The following SNTG2 variants were observed in gnomAD, a reference collection of about 807,000 sequenced individuals.
SNTG2 encodes syntrophin gamma 2.
SNTG2 carries 74 observed loss-of-function variants against 70.9 expected under a neutral mutation model. The ratio of observed to expected loss-of-function variants is 1.04; its 90% CI spans 0.86 to 1.27. SNTG2 has a LOEUF of 1.27. SNTG2 is among the 50% of genes most tolerant of loss of function. SNTG2 has a pLI of 0.00. For missense variants in SNTG2, 717 were observed against 690.7 expected (o/e 1.04, Z -0.43); for synonymous variants, 278 against 273.8 (o/e 1.02, Z -0.15).
At chr2:1,357,738 T>C (rs896046841) in intron 16 of SNTG2, among the ~76,000 whole-genome samples, 12 of 152,066 alleles carry the variant, frequency 7.9e-5, no homozygotes, top group African/African-American at 2.4e-4. Flanking sequence ...CATGATTGAC[T>C]GGTAGGTTGT....
intron 14 of SNTG2, among the ~76,000 whole-genome samples, chr2:1,284,971 A>G (rs1679708948): frequency 6.6e-6 from 1 of 151,188 alleles, no homozygotes; most frequent in South Asian, 2.1e-4. Context: ...ATAACTATAT[A>G]AATATATATA....
At position 1,237,971 on chromosome 2, in the gene SNTG2, G is replaced by T; in HGVS notation, c.803G>T (p.Trp268Leu). ...TACACAGCCCAGGATGGCACCGACT[G>T]GCTGCGGGCGGTCTCAGCCAACATC... is the stretch of plus-strand genomic sequence containing the variant. ...RFYTAQDGTDWLRAVSANIRE... is the reference protein window; with the variant it reads ...RFYTAQDGTDLLRAVSANIRE... Residue 268 changes from tryptophan to leucine, a missense_variant, in exon 10 of 17, where the codon TGG (tryptophan) becomes TTG (leucine). By Grantham distance (61) the Trp-to-Leu change is moderately conservative. Transcript: ENST00000308624. 1 of 1,610,088 alleles carries T rather than the reference G, an allele frequency of 6.2e-7. No individual in the cohort carries two copies. Among genetic ancestry groups the T allele is most frequent in the Non-Finnish European group, 8.5e-7 (1 of 1,178,626 alleles).
chr2:1,203,655 A>AAAAC (rs1254259183), intron 8 of SNTG2, among the ~76,000 whole-genome samples: 9 of 122,208 alleles, frequency 7.4e-5, no homozygotes, highest in African/African-American at 2.9e-4. Context: ...CCTTGTCTCA[A>AAAAC]AAACAAACAA....
chr2:1,044,062 TTTGG>T (rs1398792910), intron 1 of SNTG2, among the ~76,000 whole-genome samples: 1 of 152,132 alleles, frequency 6.6e-6, no homozygotes, highest in South Asian at 2.1e-4. Context: ...TTTTTATTTG[TTTGG>T]GTCATCTCTC....
At chr2:1,210,574 C>G (rs949516640) in intron 9 of SNTG2, 2 of 152,136 alleles carry the variant, frequency 1.3e-5, no homozygotes, top group Non-Finnish European at 2.9e-5. Flanking sequence ...TACTGCACTG[C>G]CAATCATATA....
At chr2:1,277,434 C>T (rs1026800107) in intron 14 of SNTG2, among the ~76,000 whole-genome samples, 2 of 152,170 alleles carry the variant, frequency 1.3e-5, no homozygotes, top group African/African-American at 4.8e-5. Context: ...CAGATGACCA[C>T]TAGGTTATTT....
intron 6 of SNTG2, among the ~76,000 whole-genome samples, chr2:1,144,599 G>T (rs28673093): frequency 3.9e-5 from 6 of 152,112 alleles, no homozygotes; most frequent in Middle Eastern, 3.4e-3. Context: ...TACGTGGCTG[G>T]GGAGGCCTCA....
At chr2:1,064,131 A>G (rs2148120313) in intron 1 of SNTG2, among the ~76,000 whole-genome samples, 1 of 152,330 alleles carries the variant, frequency 6.6e-6, no homozygotes, top group South Asian at 2.1e-4. Flanking sequence ...ATAGAACCAT[A>G]TCTTCACAGT....
chr2:1,044,899 C>G (rs549955179), intron 1 of SNTG2, among the ~76,000 whole-genome samples: 1 of 151,950 alleles, frequency 6.6e-6, no homozygotes, highest in South Asian at 2.1e-4. Flanking sequence ...GCTGGCTTCA[C>G]AGTATGAGTT....
intron 9 of SNTG2, among the ~76,000 whole-genome samples, chr2:1,219,559 G>A (rs896242447): frequency 2.0e-5 from 3 of 152,188 alleles, no homozygotes; most frequent in African/African-American, 7.2e-5. Context: ...CTCTTTACAG[G>A]AGGAACTGCT....
At chr2:1,347,532 C>T (rs1260507113) in intron 16 of SNTG2, among the ~76,000 whole-genome samples, 1 of 152,232 alleles carries the variant, frequency 6.6e-6, no homozygotes, top group Non-Finnish European at 1.5e-5. Context: ...ACTCCCTGTT[C>T]CTCTCTGTCA....
At chr2:1,052,976 A>G (rs1401035399) in intron 1 of SNTG2, among the ~76,000 whole-genome samples, 1 of 152,220 alleles carries the variant, frequency 6.6e-6, no homozygotes, top group Non-Finnish European at 1.5e-5. Flanking sequence ...ATTTGTGAGT[A>G]TGTTGCTAAA....
intron 1 of SNTG2, among the ~76,000 whole-genome samples, chr2:1,046,655 A>C (rs878943598): frequency 6.6e-6 from 1 of 151,912 alleles, no homozygotes; most frequent in East Asian, 1.9e-4. Flanking sequence ...GTTGTAATTT[A>C]TTTTTTCTAA....
intron 9 of SNTG2, among the ~76,000 whole-genome samples, chr2:1,232,206 G>C (rs1676300242): frequency 6.6e-6 from 1 of 152,196 alleles, no homozygotes. Flanking sequence ...GGTGCCCTGT[G>C]AGACACCACA....
chr2:1,190,710 T>A (rs1672542175), intron 8 of SNTG2, among the ~76,000 whole-genome samples: 1 of 151,582 alleles, frequency 6.6e-6, no homozygotes, highest in Non-Finnish European at 1.5e-5. Flanking sequence ...GAAGCAAGAA[T>A]AATAAATGAT....
intron 9 of SNTG2, among the ~76,000 whole-genome samples, chr2:1,223,067 C>T (rs373377819): frequency 5.9e-3 from 189 of 32,008 alleles, no homozygotes; most frequent in Admixed American, 7.2e-3. Flanking sequence ...TGATGGAGGG[C>T]GTCTCCCTGT....
At chr2:1,269,797 T>C (rs1339231145) in intron 14 of SNTG2, among the ~76,000 whole-genome samples, 2 of 151,990 alleles carry the variant, frequency 1.3e-5, no homozygotes, top group East Asian at 3.9e-4. Flanking sequence ...TAATCCAGGA[T>C]TGAGATAATG....
chr2:1,300,070 G>T (rs541714156), intron 14 of SNTG2, among the ~76,000 whole-genome samples: 3 of 151,710 alleles, frequency 2.0e-5, no homozygotes, highest in Admixed American at 1.3e-4. Context: ...GTGCAAGAAG[G>T]GTGCCTTAAA....
intron 1 of SNTG2, among the ~76,000 whole-genome samples, chr2:1,058,399 T>C (rs779492400): frequency 8.5e-5 from 13 of 152,224 alleles, no homozygotes; most frequent in Non-Finnish European, 1.8e-4. Context: ...GGAAATTATG[T>C]GACATTGTTT....
Sources: gnomAD v4.1 joint callset for allele counts (sites outside exome capture counted in the v4.1 genomes callset) on GRCh38, gnomAD v4.1.1 for gene constraint, MANE v1.5 for transcripts, NCBI Gene and HGNC (gene_info 2026-07-23, HGNC 2026-07-21) for gene names.